Variants in IGF2BP2 observed in about 807,000 individuals in gnomAD.
IGF2BP2 encodes the protein insulin-like growth factor 2 mRNA-binding protein 2.
IGF2BP2 carries 17 observed loss-of-function variants against 75.8 expected under a neutral mutation model. That is an observed-to-expected ratio of 0.22 (90% CI 0.15 to 0.34). The LOEUF is 0.34. Ranked by LOEUF, IGF2BP2 falls within the 10% of genes least tolerant of loss-of-function variation. The probability of loss-of-function intolerance (pLI) is 1.00; values close to 1 mark genes in which losing one functional copy is unlikely to be tolerated. For missense variants in IGF2BP2, 516 were observed against 772.4 expected, an observed-to-expected ratio of 0.67 and a Z score of 3.93; for synonymous variants, 288 against 295.6, an observed-to-expected ratio of 0.97 and a Z score of 0.26.
intron 2 of IGF2BP2, among the ~76,000 whole-genome samples, chr3:185,774,700 G>C (rs1734317277): frequency 6.6e-6 from 1 of 151,992 alleles, no homozygotes; most frequent in Non-Finnish European, 1.5e-5. Context: ...GACAGTATAT[G>C]TGACAGTTAA....
At chr3:185,766,879 C>G (rs2149722882) in intron 2 of IGF2BP2, among the ~76,000 whole-genome samples, 1 of 152,352 alleles carries the variant, frequency 6.6e-6, no homozygotes, top group South Asian at 2.1e-4. Flanking sequence ...AGGGCTACAC[C>G]CCAGTTTTCT....
At chr3:185,661,929 C>T (rs956680771) in intron 10 of IGF2BP2, among the ~76,000 whole-genome samples, 1 of 152,054 alleles carries the variant, frequency 6.6e-6, no homozygotes, top group Non-Finnish European at 1.5e-5. Context: ...GCATTCTAAG[C>T]AGGGTTCTAG....
intron 2 of IGF2BP2, among the ~76,000 whole-genome samples, chr3:185,734,947 C>T (rs1220734911): frequency 1.8e-4 from 27 of 152,170 alleles, no homozygotes; most frequent in Admixed American, 1.8e-3. Context: ...AGCAGCAGCT[C>T]CCTCACACTG....
chr3:185,682,566 G>A (rs544512267), intron 7 of IGF2BP2, among the ~76,000 whole-genome samples: 93 of 152,264 alleles, frequency 6.1e-4, no homozygotes, highest in African/African-American at 2.2e-3. Context: ...ATACATAAAG[G>A]ACTCCTGCAA....
chr3:185,773,418 A>T (rs59358438), intron 2 of IGF2BP2, among the ~76,000 whole-genome samples: 4,464 of 152,242 alleles, frequency 0.029, 209 homozygotes, highest in African/African-American at 0.1. Context: ...AATTGTTCCC[A>T]TACAAAGTTT....
chr3:185,692,038 T>C (rs1002694241), intron 5 of IGF2BP2, among the ~76,000 whole-genome samples: 3 of 152,196 alleles, frequency 2.0e-5, no homozygotes, highest in African/African-American at 7.2e-5. Flanking sequence ...CCTGGCCTCA[T>C]TGTTTTTTAA....
At chr3:185,673,039 T>C (rs1437928598) in intron 9 of IGF2BP2, among the ~76,000 whole-genome samples, 1 of 152,178 alleles carries the variant, frequency 6.6e-6, no homozygotes, top group Non-Finnish European at 1.5e-5. Flanking sequence ...GAAGTGCTTT[T>C]CTCCCTTCTC....
intron 8 of IGF2BP2, 142 bp from the exon 9 acceptor site, chr3:185,675,573 C>T: frequency 9.0e-7 from 1 of 1,114,442 alleles, no homozygotes; most frequent in Non-Finnish European, 1.3e-6. Flanking sequence ...AGAATCCCTG[C>T]CATCTTATTT....
intron 7 of IGF2BP2, among the ~76,000 whole-genome samples, chr3:185,678,569 T>A (rs58721256): frequency 2.3e-3 from 349 of 152,350 alleles, no homozygotes; most frequent in African/African-American, 8.0e-3. Flanking sequence ...ATGTTCTCTC[T>A]CCTGGAGAGT....
chr3:185,708,992 T>C (rs892582890), intron 2 of IGF2BP2, among the ~76,000 whole-genome samples: 2 of 152,208 alleles, frequency 1.3e-5, no homozygotes, highest in Non-Finnish European at 2.9e-5. Flanking sequence ...CAAAACCAAA[T>C]TGTGTTTTTA....
intron 6 of IGF2BP2, 38 bp from the exon 7 acceptor site, chr3:185,687,229 A>T: frequency 6.3e-7 from 1 of 1,585,870 alleles, no homozygotes; most frequent in Non-Finnish European, 8.5e-7. Flanking sequence ...TTACAAGGTC[A>T]TCTGGATAGG....
chr3:185,652,254 A>AAG, intron 12 of IGF2BP2, 86 bp from the exon 13 acceptor site: 1 of 1,142,054 alleles, frequency 8.8e-7, no homozygotes, highest in Non-Finnish European at 1.3e-6. Flanking sequence ...CAAGCATACC[A>AAG]GCAGGAGGTT....
Position 185,672,664 on chromosome 3 carries a change from T to C in IGF2BP2, c.1077A>G (p.Gln359=), listed in dbSNP as rs1231001729. The C allele has an allele frequency of 1.9e-6, 3 of 1,614,018 alleles. No individual in the cohort carries two copies. Among genetic ancestry groups the C allele is most frequent in the South Asian group, 1.1e-5 (1 of 91,064 alleles). The change falls in exon 10 of 16, where the codon CAA becomes CAG. Residue 359 remains glutamine (Q), a synonymous_variant. Coordinates refer to ENST00000382199, the MANE Select transcript of IGF2BP2 (RefSeq NM_006548.6). ...FENDMLAVNQ[Q]ANLIPGLNLS... ...GGTTCAACCCTGGGATCAGATTGGCTTGTTGCTGGGAATAGAAATGGAGAA... is the reference window on the plus strand; with the variant it reads ...GGTTCAACCCTGGGATCAGATTGGCCTGTTGCTGGGAATAGAAATGGAGAA...
intron 2 of IGF2BP2, among the ~76,000 whole-genome samples, chr3:185,704,678 G>A (rs2149387392): frequency 6.6e-6 from 1 of 152,264 alleles, no homozygotes; most frequent in Non-Finnish European, 1.5e-5. Flanking sequence ...TTGAATTCCT[G>A]GGCTCAAGCA....
chr3:185,727,616 C>T (rs1351004483), intron 2 of IGF2BP2, among the ~76,000 whole-genome samples: 4 of 152,190 alleles, frequency 2.6e-5, no homozygotes, highest in Admixed American at 1.3e-4. Flanking sequence ...ATAATCCTTC[C>T]TCTTCCTATA....
At chr3:185,723,811 A>G (rs1012248330) in intron 2 of IGF2BP2, among the ~76,000 whole-genome samples, 1 of 152,230 alleles carries the variant, frequency 6.6e-6, no homozygotes, top group African/African-American at 2.4e-5. Context: ...AGGAAAGGCT[A>G]TACCTAGCCT....
At position 185,677,021 on chromosome 3, in the gene IGF2BP2, AGAGAGATATATATATATATG is replaced by A. The variant is rs1349492433; in HGVS notation, c.813-1128_813-1109del. Among the ~76,000 whole-genome samples the A allele has an allele frequency of 9.5e-5, 6 of 63,256 alleles. 1 individual carries two copies. In the East Asian group the frequency reaches 1.2e-3, roughly 13 times the overall value. 41.5% of individuals were successfully genotyped at this position (63,256 alleles called of 152,430 possible). A position where few individuals can be genotyped will look rare whatever the true frequency, so the allele number is the denominator to read the frequency against. On this transcript the variant is annotated intron_variant, in intron 7 of 15. Transcript: ENST00000382199. Reference sequence around the variant, plus strand: ...ATATATGGAGAGATTATATATATGGAGAGAGATATATATATATATGGAGATATATATATATATATATATAT... The same window carrying A: ...ATATATGGAGAGATTATATATATGGAGAGATATATATATATATATATATAT...
At chr3:185,743,722 C>T (rs1578168497) in intron 2 of IGF2BP2, among the ~76,000 whole-genome samples, 1 of 152,204 alleles carries the variant, frequency 6.6e-6, no homozygotes, top group East Asian at 1.9e-4. Context: ...TCCATTGCCT[C>T]TTTTGAACCA....
chr3:185,800,718 A>AAGAAGAAAGAAAGAAAGAAAG (rs1553893940), intron 2 of IGF2BP2, among the ~76,000 whole-genome samples: 1 of 143,290 alleles, frequency 7.0e-6, no homozygotes, highest in African/African-American at 2.7e-5. Flanking sequence ...GAGCCAAAAA[A>AAGAAGAAAGAAAGAAAGAAAG]AAAGAAAGAA....
Sources: gnomAD v4.1 joint callset for allele counts (sites outside exome capture counted in the v4.1 genomes callset) on GRCh38, gnomAD v4.1.1 for gene constraint, MANE v1.5 for transcripts, NCBI Gene and HGNC (gene_info 2026-07-23, HGNC 2026-07-21) for gene names.